FBN2: variants seen among roughly 807,000 people sequenced by gnomAD.
FBN2 encodes the protein fibrillin-2.
Under a neutral mutation model 355.6 loss-of-function variants are expected in FBN2, and 105 were observed. That is an observed-to-expected ratio of 0.30 (90% CI 0.25 to 0.35). FBN2 has a LOEUF of 0.35. Among genes scored for constraint, FBN2 ranks in the 10% least tolerant of loss-of-function variants. The probability of loss-of-function intolerance (pLI) is 1.00; values close to 1 mark genes in which losing one functional copy is unlikely to be tolerated. For synonymous variants in FBN2, 1,350 were observed against 1,301.2 expected (o/e 1.04, Z -0.81); for missense variants, 3,280 against 3,758.7 (o/e 0.87, Z 3.33).
intron 36 of FBN2, among the ~76,000 whole-genome samples, chr5:128,316,650 T>C (rs566188501): frequency 6.6e-6 from 1 of 152,334 alleles, no homozygotes; most frequent in East Asian, 1.9e-4. Flanking sequence ...AAGGCTCATG[T>C]CCCCACCAAT....
At chr5:128,495,118 T>C (rs1755621383) in intron 5 of FBN2, among the ~76,000 whole-genome samples, 5 of 152,038 alleles carry the variant, frequency 3.3e-5, no homozygotes, top group Admixed American at 3.3e-4. Context: ...AAGAACCAAG[T>C]AGAAATTCTG....
chr5:128,402,871 T>G (rs907507574), intron 8 of FBN2, among the ~76,000 whole-genome samples: 25 of 152,342 alleles, frequency 1.6e-4, no homozygotes, highest in African/African-American at 6.0e-4. Context: ...TTACATTGTT[T>G]AAGAGTAACT....
chr5:128,421,662 C>T (rs777844324), intron 7 of FBN2, among the ~76,000 whole-genome samples: 4 of 151,650 alleles, frequency 2.6e-5, no homozygotes, highest in Non-Finnish European at 5.9e-5. Context: ...AGAGATCACA[C>T]GAGAAGAAAA....
chr5:128,352,599 T>C (rs1561785181), intron 20 of FBN2, among the ~76,000 whole-genome samples: 2 of 152,148 alleles, frequency 1.3e-5, no homozygotes, highest in Non-Finnish European at 2.9e-5. Context: ...CTAAAACAAA[T>C]CATATGTCAT....
At chr5:128,474,447 G>T (rs995407764) in intron 5 of FBN2, among the ~76,000 whole-genome samples, 1 of 152,116 alleles carries the variant, frequency 6.6e-6, no homozygotes, top group African/African-American at 2.4e-5. Flanking sequence ...AAAGTGACAC[G>T]TACTCAGAAA....
At position 128,338,185 on chromosome 5, in the gene FBN2, C is replaced by T. The variant is rs762207047; in HGVS notation, c.3473-63G>A. On this transcript the variant is annotated intron_variant, in intron 26 of 64. Transcript: ENST00000262464. ...GAGGGAAAAATATTCACACATACAGCGTGGGAGAAAGAATATTATCTGATG... is the reference window on the plus strand; with the variant it reads ...GAGGGAAAAATATTCACACATACAGTGTGGGAGAAAGAATATTATCTGATG... 3.5e-5 allele frequency: 53 copies of T among 1,503,562 alleles called. 2 individuals carry two copies. The Middle Eastern group carries it at 2.4e-3, about 68-fold the overall frequency. 93.1% of individuals were successfully genotyped at this position (1,503,562 alleles called of 1,614,324 possible). A position where few individuals can be genotyped will look rare whatever the true frequency, so the allele number is the denominator to read the frequency against.
chr5:128,284,692 C>G (rs1488999007), intron 55 of FBN2, among the ~76,000 whole-genome samples: 2 of 152,190 alleles, frequency 1.3e-5, no homozygotes, highest in Non-Finnish European at 2.9e-5. Flanking sequence ...TTTAGGGAGT[C>G]GTGTGGCTCT....
At chr5:128,536,638 T>C (rs894617074) in intron 1 of FBN2, among the ~76,000 whole-genome samples, 154 bp from the exon 2 acceptor site, 2 of 152,168 alleles carry the variant, frequency 1.3e-5, no homozygotes, top group Non-Finnish European at 2.9e-5. Context: ...GAGGCAGACG[T>C]GGAAGCAAAA....
chr5:128,309,958 A>G lies in FBN2; in HGVS notation c.5200+25T>C, dbSNP rs372594881. On this transcript the variant is annotated intron_variant, in intron 40 of 64. Coordinates refer to ENST00000262464, the MANE Select transcript of FBN2 (RefSeq NM_001999.4). Reference sequence around the variant, plus strand: ...GTGTGAAGTCAACAACTGTGCTCTAATTAATCTCAGAGTTCTTTACCTACC... The same window carrying G: ...GTGTGAAGTCAACAACTGTGCTCTAGTTAATCTCAGAGTTCTTTACCTACC... 67 of 1,612,674 alleles carry G rather than the reference A, an allele frequency of 4.2e-5. 1 individual carries two copies. The South Asian group carries it at 4.4e-4, about 11-fold the overall frequency.
At chr5:128,401,453 C>T (rs1165871353) in intron 8 of FBN2, among the ~76,000 whole-genome samples, 1 of 152,136 alleles carries the variant, frequency 6.6e-6, no homozygotes, top group Non-Finnish European at 1.5e-5. Flanking sequence ...ATCTGAAGTA[C>T]ATTTTTTATG....
chr5:128,296,460 C>G (rs1749515123), intron 48 of FBN2, among the ~76,000 whole-genome samples: 2 of 151,860 alleles, frequency 1.3e-5, no homozygotes, highest in Non-Finnish European at 2.9e-5. Context: ...GTGAATCCAT[C>G]TGGTCCTGGA....
At chr5:128,436,300 A>G (rs1323128097) in intron 7 of FBN2, among the ~76,000 whole-genome samples, 1 of 152,190 alleles carries the variant, frequency 6.6e-6, no homozygotes, top group African/African-American at 2.4e-5. Flanking sequence ...TGACGTTTCC[A>G]TTTATGAAAC....
chr5:128,368,428 A>ATGTGTATATATATG (rs550440840), intron 16 of FBN2, among the ~76,000 whole-genome samples: 3 of 142,814 alleles, frequency 2.1e-5, no homozygotes, highest in Non-Finnish European at 3.0e-5. Context: ...GTGTATATAT[A>ATGTGTATATATATG]TATATACACA....
intron 2 of FBN2, 138 bp downstream of exon 2, chr5:128,536,264 G>A (rs1032070294): frequency 6.9e-6 from 5 of 727,114 alleles, no homozygotes; most frequent in Admixed American, 4.0e-5. Flanking sequence ...TTCAAATGGG[G>A]CCGCGTCCCG....
At chr5:128,284,611 G>C (rs1005021573) in intron 55 of FBN2, among the ~76,000 whole-genome samples, 1 of 152,118 alleles carries the variant, frequency 6.6e-6, no homozygotes, top group Admixed American at 6.5e-5. Flanking sequence ...CATGTTTGTT[G>C]TATGAACATC....
rs528260369 is a variant in FBN2 at position 128,288,614 on chromosome 5, C to T, written c.6638-57G>A. 5 of 1,585,332 alleles carry T rather than the reference C, an allele frequency of 3.2e-6. No homozygotes were observed. In the East Asian group the frequency reaches 6.7e-5, roughly 21 times the overall value. On this transcript the variant is annotated intron_variant, in intron 52 of 64. Coordinates refer to ENST00000262464, the MANE Select transcript of FBN2 (RefSeq NM_001999.4). ...GATGTTTTAGTTTAACAGGAGAATG[C>T]CCAGGAAGACCCATGCTTGGCCCTC...
At chr5:128,377,676 G>A in intron 13 of FBN2, 76 bp downstream of exon 13, 1 of 1,493,170 alleles carries the variant, frequency 6.7e-7, no homozygotes, top group Admixed American at 1.7e-5. Flanking sequence ...GAGCTTTCAT[G>A]GAAATAGTAC....
intron 45 of FBN2, among the ~76,000 whole-genome samples, chr5:128,303,837 T>C (rs956384467): frequency 5.3e-5 from 8 of 152,232 alleles, no homozygotes; most frequent in Non-Finnish European, 1.0e-4. Flanking sequence ...TCTCATATTT[T>C]TTTTTGGTAA....
intron 23 of FBN2, among the ~76,000 whole-genome samples, chr5:128,347,302 C>T (rs184570519): frequency 4.5e-4 from 69 of 152,322 alleles, no homozygotes; most frequent in Admixed American, 2.9e-3. Context: ...GTCTTTAATA[C>T]TGAGACCTCT....
Sources: allele counts gnomAD v4.1 joint callset (sites outside exome capture counted in the v4.1 genomes callset), GRCh38; gene constraint gnomAD v4.1.1; transcripts MANE v1.5; gene names NCBI Gene and HGNC (gene_info 2026-07-23, HGNC 2026-07-21).